Variants in ZBTB16 observed in about 807,000 individuals in gnomAD.
ZBTB16 encodes zinc finger and BTB domain-containing protein 16.
A neutral mutation model predicts 56.8 loss-of-function variants in ZBTB16; 8 were observed. The ratio of observed to expected loss-of-function variants is 0.14; its 90% CI spans 0.08 to 0.25. The LOEUF (loss-of-function observed/expected upper bound fraction) is 0.25, where lower values mean the gene tolerates loss of function less well. ZBTB16 is among the 10% of genes least tolerant of loss of function. The probability of loss-of-function intolerance (pLI) is 1.00; values close to 1 mark genes in which losing one functional copy is unlikely to be tolerated. For synonymous variants in ZBTB16, 363 were observed against 368.5 expected, an observed-to-expected ratio of 0.98 and a Z score of 0.17; for missense variants, 625 against 903.0, an observed-to-expected ratio of 0.69 and a Z score of 3.95.
At chr11:114,086,200 C>T (rs1939951056) in intron 2 of ZBTB16, among the ~76,000 whole-genome samples, 1 of 152,164 alleles carries the variant, frequency 6.6e-6, no homozygotes, top group African/African-American at 2.4e-5. Context: ...CAAACTCAGC[C>T]CTGGGCCTCA....
At chr11:114,130,751 T>C (rs961189773) in intron 2 of ZBTB16, among the ~76,000 whole-genome samples, 2 of 152,186 alleles carry the variant, frequency 1.3e-5, no homozygotes, top group African/African-American at 4.8e-5. Context: ...CAGCTGAGAG[T>C]TGAATTTCTT....
intron 2 of ZBTB16, among the ~76,000 whole-genome samples, chr11:114,099,194 C>T (rs1045293948): frequency 6.6e-6 from 1 of 152,158 alleles, no homozygotes; most frequent in Non-Finnish European, 1.5e-5. Context: ...CGTGATCTTA[C>T]TGGGGGAGAG....
chr11:114,088,140 CT>C (rs10695166), intron 2 of ZBTB16, among the ~76,000 whole-genome samples: 218 of 123,052 alleles, frequency 1.8e-3, no homozygotes, highest in African/African-American at 4.3e-3. Flanking sequence ...CCAGATACTT[CT>C]TTTTTTTTTT....
chr11:114,115,594 A>G (rs1941147559), intron 2 of ZBTB16, among the ~76,000 whole-genome samples: 1 of 152,084 alleles, frequency 6.6e-6, no homozygotes, highest in Non-Finnish European at 1.5e-5. Flanking sequence ...CCAGTGGGGT[A>G]CTGGGTGTAC....
intron 2 of ZBTB16, among the ~76,000 whole-genome samples, chr11:114,087,174 G>T (rs1241905883): frequency 6.6e-6 from 1 of 152,190 alleles, no homozygotes; most frequent in Non-Finnish European, 1.5e-5. Flanking sequence ...GATGGTGGTT[G>T]TTCATCGATG....
chr11:114,167,196 C>T (rs530203727), intron 3 of ZBTB16, among the ~76,000 whole-genome samples: 89 of 141,936 alleles, frequency 6.3e-4, no homozygotes, highest in African/African-American at 2.3e-3. Context: ...AGAGGAGCCT[C>T]GGGCCATTAT....
chr11:114,123,086 T>C (rs1175664053), intron 2 of ZBTB16, among the ~76,000 whole-genome samples: 3 of 152,094 alleles, frequency 2.0e-5, no homozygotes, highest in African/African-American at 4.8e-5. Flanking sequence ...TGAGCTGGTG[T>C]CTCTTCTTAC....
intron 2 of ZBTB16, among the ~76,000 whole-genome samples, chr11:114,066,013 G>C (rs1272072723): frequency 6.6e-6 from 1 of 151,934 alleles, no homozygotes; most frequent in African/African-American, 2.4e-5. Flanking sequence ...TCTAGTTTCT[G>C]GGTCAGATGA....
intron 2 of ZBTB16, among the ~76,000 whole-genome samples, chr11:114,130,905 G>A (rs1295025021): frequency 6.6e-6 from 1 of 152,214 alleles, no homozygotes; most frequent in Non-Finnish European, 1.5e-5. Context: ...GGCTTAACTG[G>A]AAAATCCTTT....
chr11:114,140,916 A>G (rs965914524), intron 2 of ZBTB16, among the ~76,000 whole-genome samples: 1 of 152,122 alleles, frequency 6.6e-6, no homozygotes, highest in Non-Finnish European at 1.5e-5. Flanking sequence ...GTCTCCTTCC[A>G]TGGTCCCTGC....
intron 4 of ZBTB16, among the ~76,000 whole-genome samples, chr11:114,236,267 T>A (rs147808705): frequency 6.6e-6 from 1 of 152,112 alleles, no homozygotes; most frequent in African/African-American, 2.4e-5. Context: ...GGCTATGAAG[T>A]TAGGGTTGGA....
intron 4 of ZBTB16, among the ~76,000 whole-genome samples, chr11:114,233,117 ACACACACACTCTCT>A (rs144795255): frequency 0.18 from 10,669 of 60,846 alleles, 683 homozygotes; most frequent in East Asian, 0.2. Flanking sequence ...ACACACACAC[ACACACACACTCTCT>A]CTCTCTCACA....
intron 2 of ZBTB16, among the ~76,000 whole-genome samples, chr11:114,142,609 A>G (rs1941984268): frequency 6.6e-6 from 1 of 152,242 alleles, no homozygotes; most frequent in African/African-American, 2.4e-5. Context: ...GGCTCAGAAT[A>G]GTTTTCTGTC....
rs182652966 is a variant in ZBTB16, at chr11:114,247,008, A to G, written c.1625-190A>G. The G allele has an allele frequency of 1.6e-4, 108 of 693,994 alleles. No individual in the cohort carries two copies. In the African/African-American group the frequency reaches 1.7e-3, roughly 11 times the overall value. 43.0% of individuals were successfully genotyped at this position (693,994 alleles called of 1,614,324 possible). A position where few individuals can be genotyped will look rare whatever the true frequency, so the allele number is the denominator to read the frequency against. On this transcript the variant is annotated intron_variant, in intron 5 of 6. Coordinates refer to ENST00000335953, the MANE Select transcript of ZBTB16 (RefSeq NM_006006.6). ...ACAGATGATCATGGGGCCACAGTAA[A>G]GTATGGTCATGTGTGAAGACAGGTA...
At chr11:114,228,649 G>T (rs1591798417) in intron 4 of ZBTB16, among the ~76,000 whole-genome samples, 1 of 152,182 alleles carries the variant, frequency 6.6e-6, no homozygotes, top group Non-Finnish European at 1.5e-5. Context: ...GTAGGATGTC[G>T]TGAGTGAAGC....
chr11:114,168,383 T>A (rs1027217128), intron 3 of ZBTB16, among the ~76,000 whole-genome samples: 1 of 152,136 alleles, frequency 6.6e-6, no homozygotes, highest in African/African-American at 2.4e-5. Flanking sequence ...TCAGGAAATA[T>A]CTGTTGAAGA....
chr11:114,102,835 G>A (rs1940661276), intron 2 of ZBTB16, among the ~76,000 whole-genome samples: 1 of 152,122 alleles, frequency 6.6e-6, no homozygotes, highest in Admixed American at 6.5e-5. Flanking sequence ...TCTTGGGCTT[G>A]AAGTTTTTGA....
chr11:114,230,730 G>GT (rs1340721402), intron 4 of ZBTB16, among the ~76,000 whole-genome samples: 1 of 151,778 alleles, frequency 6.6e-6, no homozygotes, highest in Non-Finnish European at 1.5e-5. Context: ...ATATGGGGTA[G>GT]TTTTTCTTTT....
intron 3 of ZBTB16, among the ~76,000 whole-genome samples, chr11:114,175,898 C>T (rs574316497): frequency 6.6e-6 from 1 of 151,986 alleles, no homozygotes; most frequent in Non-Finnish European, 1.5e-5. Context: ...ACTTGGATCC[C>T]GGCCACCACC....
Sources: allele counts gnomAD v4.1 joint callset (sites outside exome capture counted in the v4.1 genomes callset), GRCh38; gene constraint gnomAD v4.1.1; transcripts MANE v1.5; gene names NCBI Gene and HGNC (gene_info 2026-07-23, HGNC 2026-07-21).